MID1: variants seen among roughly 807,000 people sequenced by gnomAD.
MID1 encodes the protein midline 1, also known as E3 ubiquitin-protein ligase Midline-1.
In MID1, 7 loss-of-function variants were observed where a neutral mutation model predicts 40.4. That is an observed-to-expected ratio of 0.17 (90% CI 0.10 to 0.33). MID1 has a LOEUF of 0.33. Ranked by LOEUF, MID1 falls within the 10% of genes least tolerant of loss-of-function variation. The probability of loss-of-function intolerance (pLI) is 1.00; values close to 1 mark genes in which losing one functional copy is unlikely to be tolerated. For missense variants in MID1, 367 were observed against 558.5 expected (o/e 0.66, Z 3.46); for synonymous variants, 229 against 221.2 (o/e 1.04, Z -0.31).
intron 1 of MID1, among the ~76,000 whole-genome samples, chrX:10,664,644 A>C (rs1396352897): frequency 2.7e-5 from 3 of 112,462 alleles, no homozygotes; most frequent in African/African-American, 9.7e-5. Flanking sequence ...ATCATATGGT[A>C]ACCTTATGTT....
At chrX:10,680,859 C>T (rs201971436) in intron 1 of MID1, among the ~76,000 whole-genome samples, 13 of 108,413 alleles carry the variant, frequency 1.2e-4, no homozygotes, top group African/African-American at 3.7e-4. Flanking sequence ...GGTGAAACCC[C>T]GTCACTACCA....
At position 10,449,062 on chromosome X, in the gene MID1, T is replaced by C. The variant is rs1378383271; in HGVS notation, c.*306A>G. 4.0e-6 allele frequency: 1 copy of C among 250,382 alleles called. No individual in the cohort carries two copies. The highest frequency in any genetic ancestry group is 2.8e-5 in the African/African-American group (1 of 35,977). The allele number at this position is 250,382 out of a possible 1,213,427, so 20.6% of individuals were successfully genotyped here. ...GAAGGTTGTAAATAGCTGATAAACT[T>C]ATGGGCCTCTTAATGTGCAAAACCA... On this transcript the variant is annotated 3_prime_UTR_variant, in exon 10 of 10. Transcript: ENST00000317552.
chrX:10,538,221 C>A (rs761747152), intron 2 of MID1, among the ~76,000 whole-genome samples: 229 of 111,787 alleles, frequency 2.0e-3, no homozygotes, highest in Non-Finnish European at 3.1e-3. Context: ...AATCCACCCA[C>A]CTTGGCCTCC....
intron 1 of MID1, among the ~76,000 whole-genome samples, chrX:10,771,105 GAAA>G (rs199974083): frequency 1.5e-5 from 1 of 66,248 alleles, no homozygotes. Flanking sequence ...TCTGTCTCAA[GAAA>G]AAAAAAAAAA....
chrX:10,601,958 G>A (rs1298461741), intron 1 of MID1, among the ~76,000 whole-genome samples: 13 of 106,326 alleles, frequency 1.2e-4, no homozygotes, highest in African/African-American at 1.7e-4. Context: ...GTACAGTGGC[G>A]CAATCTCGAC....
chrX:10,718,396 C>A (rs2043321766), intron 1 of MID1, among the ~76,000 whole-genome samples: 1 of 111,839 alleles, frequency 8.9e-6, no homozygotes. Flanking sequence ...ATACAAACTA[C>A]CATCAGAGAA....
chrX:10,538,564 C>T (rs1381776596), intron 2 of MID1, among the ~76,000 whole-genome samples: 2 of 111,219 alleles, frequency 1.8e-5, no homozygotes, highest in Admixed American at 9.6e-5. Context: ...CCTGAGTTGG[C>T]GTGCAAACTC....
chrX:10,644,719 C>T (rs1053044055), intron 1 of MID1, among the ~76,000 whole-genome samples: 4 of 110,710 alleles, frequency 3.6e-5, no homozygotes, highest in Non-Finnish European at 7.5e-5. Flanking sequence ...ATTCTTAGCT[C>T]CAGAACAGGG....
upstream of MID1, among the ~76,000 whole-genome samples, chrX:10,621,951 C>T (rs1005778501): frequency 9.8e-6 from 1 of 102,292 alleles, no homozygotes; most frequent in Non-Finnish European, 2.0e-5. Flanking sequence ...CACTAGATGC[C>T]AGTAGCACCC....
rs1398212377 is a variant in MID1 at position 10,610,323 on chromosome X, A to G, written c.-57+9967T>C. Among the ~76,000 whole-genome samples the G allele has an allele frequency of 3.6e-5, 4 of 112,208 alleles. No homozygotes were observed. The Admixed American group carries it at 3.8e-4, about 11-fold the overall frequency. ...TTCTGGGGATTTTTAATACAGATAC[A>G]TCCGCCCCATACAAACTGATGAACA... On this transcript the variant is annotated intron_variant, in intron 1 of 9. Coordinates refer to ENST00000317552, the MANE Select transcript of MID1 (RefSeq NM_000381.4).
chrX:10,604,113 T>C (rs376062730), intron 1 of MID1, among the ~76,000 whole-genome samples: 3 of 111,887 alleles, frequency 2.7e-5, no homozygotes, highest in East Asian at 5.6e-4. Context: ...TTAACATTTA[T>C]AGTTAAATGT....
intron 1 of MID1, among the ~76,000 whole-genome samples, chrX:10,591,854 C>T (rs918878684): frequency 2.0e-4 from 22 of 111,029 alleles, no homozygotes; most frequent in African/African-American, 6.2e-4. Flanking sequence ...TCTATTTTTT[C>T]CCCCGGGTCT....
At chrX:10,457,036 C>T (rs980508278) in intron 8 of MID1, among the ~76,000 whole-genome samples, 22 of 111,488 alleles carry the variant, frequency 2.0e-4, no homozygotes, top group African/African-American at 7.2e-4. Flanking sequence ...TGAACTAAGA[C>T]AAGAAGAGTA....
intron 2 of MID1, among the ~76,000 whole-genome samples, chrX:10,548,490 G>A (rs942107951): frequency 8.9e-6 from 1 of 112,000 alleles, no homozygotes; most frequent in African/African-American, 3.2e-5. Flanking sequence ...AGACAGTTTT[G>A]TTTTTTCAGG....
intron 1 of MID1, among the ~76,000 whole-genome samples, chrX:10,634,521 G>A (rs1033070563): frequency 2.7e-5 from 3 of 109,773 alleles, no homozygotes; most frequent in African/African-American, 1.0e-4. Flanking sequence ...TAACAAAGAG[G>A]TTGCTATGGA....
At chrX:10,523,264 T>C (rs1250272570) in intron 2 of MID1, 77 bp from the exon 3 acceptor site, 4 of 722,446 alleles carry the variant, frequency 5.5e-6, no homozygotes, top group Non-Finnish European at 8.4e-6. Flanking sequence ...AAATTACTCA[T>C]TCTCAGGAAA....
At chrX:10,506,029 C>T in intron 3 of MID1, 2 of 764,906 alleles carry the variant, frequency 2.6e-6, no homozygotes, top group Non-Finnish European at 3.1e-6. Context: ...GGAGGTACAA[C>T]TGGAAAATGT....
intron 1 of MID1, among the ~76,000 whole-genome samples, chrX:10,803,254 TA>T (rs895739786): frequency 9.1e-6 from 1 of 110,437 alleles, no homozygotes; most frequent in Admixed American, 9.6e-5. Context: ...TAAATAAATA[TA>T]AAGTTCTTGA....
chrX:10,701,979 G>A (rs888313627), intron 1 of MID1, among the ~76,000 whole-genome samples: 5 of 112,646 alleles, frequency 4.4e-5, no homozygotes, highest in African/African-American at 1.3e-4. Flanking sequence ...TTTTAAAAAT[G>A]AAAGGTGTAA....
Sources: gnomAD v4.1 joint callset for allele counts (sites outside exome capture counted in the v4.1 genomes callset) on GRCh38, gnomAD v4.1.1 for gene constraint, MANE v1.5 for transcripts, NCBI Gene and HGNC (gene_info 2026-07-23, HGNC 2026-07-21) for gene names.